The following TTC39B variants were observed in gnomAD, a reference collection of about 807,000 sequenced individuals.
TTC39B encodes the protein tetratricopeptide repeat domain 39B, also known as tetratricopeptide repeat protein 39B.
Under a neutral mutation model 96.6 loss-of-function variants are expected in TTC39B, and 92 were observed. The observed-to-expected ratio is 0.95, with a 90% CI of 0.80 to 1.13. TTC39B has a LOEUF of 1.13. Among genes scored for constraint, TTC39B ranks in the 50% most tolerant of loss-of-function variants. The pLI is 0.00. For synonymous variants in TTC39B, 367 were observed against 299.4 expected (o/e 1.23, Z -2.33); for missense variants, 955 against 809.3 (o/e 1.18, Z -2.18).
chr9:15,229,992 G>A (rs1369718946), intron 2 of TTC39B, among the ~76,000 whole-genome samples: 1 of 152,098 alleles, frequency 6.6e-6, no homozygotes, highest in Non-Finnish European at 1.5e-5. Context: ...TTATAACATT[G>A]CATCTTCACA....
intron 2 of TTC39B, among the ~76,000 whole-genome samples, chr9:15,251,694 C>CATATATATATATATATAT (rs59081141): frequency 1.6e-5 from 1 of 61,808 alleles, no homozygotes; most frequent in Admixed American, 1.9e-4. Context: ...CACACACATA[C>CATATATATATATATATAT]ATATACATAT....
At chr9:15,164,816 G>A (rs1200350954) in exon 20 of TTC39B, 3 of 152,006 alleles carry the variant, frequency 2.0e-5, no homozygotes, top group Admixed American at 2.0e-4. Flanking sequence ...TGAGAATTAA[G>A]TAATTTTTCT....
intron 18 of TTC39B, 140 bp downstream of exon 18, chr9:15,177,557 A>C: frequency 1.7e-6 from 1 of 591,208 alleles, no homozygotes; most frequent in Non-Finnish European, 3.0e-6. Flanking sequence ...AACAACAACA[A>C]CACACTACTG....
intron 13 of TTC39B, among the ~76,000 whole-genome samples, chr9:15,189,291 T>C (rs538255318): frequency 9.8e-5 from 15 of 152,322 alleles, no homozygotes; most frequent in Admixed American, 9.8e-4. Flanking sequence ...TCACAGTTTC[T>C]TGAAAATCCC....
intron 6 of TTC39B, among the ~76,000 whole-genome samples, chr9:15,208,519 C>T (rs1444217300): frequency 6.6e-6 from 1 of 152,084 alleles, no homozygotes; most frequent in Non-Finnish European, 1.5e-5. Flanking sequence ...TCTTTTGGGC[C>T]TATTTGATTT....
At chr9:15,286,684 A>C (rs1823985947) in intron 1 of TTC39B, among the ~76,000 whole-genome samples, 1 of 152,234 alleles carries the variant, frequency 6.6e-6, no homozygotes, top group African/African-American at 2.4e-5. Context: ...CTCATTATTT[A>C]CAATGACGCT....
At chr9:15,303,028 C>T (rs1351549655) in intron 1 of TTC39B, among the ~76,000 whole-genome samples, 1 of 151,770 alleles carries the variant, frequency 6.6e-6, no homozygotes, top group Non-Finnish European at 1.5e-5. Context: ...ATTAGCTGGA[C>T]GTGGTGGCAC....
At chr9:15,190,880 T>G (rs1177167988) in intron 10 of TTC39B, among the ~76,000 whole-genome samples, 1 of 151,960 alleles carries the variant, frequency 6.6e-6, no homozygotes, top group Non-Finnish European at 1.5e-5. Context: ...CCCTCCCATC[T>G]TTGGTCAACT....
chr9:15,292,872 C>A (rs1824238869), intron 1 of TTC39B, among the ~76,000 whole-genome samples: 1 of 152,086 alleles, frequency 6.6e-6, no homozygotes, highest in Non-Finnish European at 1.5e-5. Context: ...TTTAAAAGTT[C>A]ATAAAGCAAA....
At chr9:15,218,932 TTG>T (rs1479029255) in intron 3 of TTC39B, among the ~76,000 whole-genome samples, 1 of 152,084 alleles carries the variant, frequency 6.6e-6, no homozygotes, top group Non-Finnish European at 1.5e-5. Context: ...TCTGGAGGTT[TTG>T]TCTCTTTCCT....
chr9:15,171,727 T>C (rs1276305943), exon 20 of TTC39B: 1 of 191,370 alleles, frequency 5.2e-6, no homozygotes, highest in Non-Finnish European at 1.1e-5. Flanking sequence ...CTAATTAGAC[T>C]ATTGCATCTG....
chr9:15,206,772 G>C (rs1163997472), intron 6 of TTC39B, among the ~76,000 whole-genome samples: 1 of 152,084 alleles, frequency 6.6e-6, no homozygotes, highest in Non-Finnish European at 1.5e-5. Flanking sequence ...TGTAGAGACA[G>C]GTTCTTGCTC....
chr9:15,304,095 T>C (rs1393539485), intron 1 of TTC39B, among the ~76,000 whole-genome samples: 1 of 152,244 alleles, frequency 6.6e-6, no homozygotes, highest in Admixed American at 6.5e-5. Flanking sequence ...CTCAAATCCT[T>C]ATATTTGAGG....
intron 10 of TTC39B, 130 bp from the exon 11 acceptor site, chr9:15,190,792 T>C (rs1818815134): frequency 2.6e-6 from 2 of 769,212 alleles, no homozygotes; most frequent in South Asian, 3.5e-5. Context: ...TGGTGAAGTC[T>C]GGGCTTTTAG....
At chr9:15,179,605 G>C (rs530787896) in intron 17 of TTC39B, among the ~76,000 whole-genome samples, 1 of 152,294 alleles carries the variant, frequency 6.6e-6, no homozygotes, top group Admixed American at 6.5e-5. Flanking sequence ...AATCACGGAT[G>C]TTAAAACAGA....
exon 20 of TTC39B, chr9:15,167,110 C>T (rs1352097696): frequency 1.6e-5 from 2 of 121,922 alleles, no homozygotes; most frequent in African/African-American, 6.3e-5. Flanking sequence ...GATCTTAGCT[C>T]ACTGTAGCCT....
chr9:15,167,956 T>A (rs1588824098), exon 20 of TTC39B: 2 of 152,182 alleles, frequency 1.3e-5, no homozygotes, highest in East Asian at 3.8e-4. Context: ...CCAATGACAC[T>A]GACCATCTGC....
chr9:15,276,383 G>A (rs900156207), intron 1 of TTC39B, among the ~76,000 whole-genome samples: 1 of 152,094 alleles, frequency 6.6e-6, no homozygotes. Context: ...CTGTAAATTA[G>A]AGATGCCCAT....
At chr9:15,230,728 T>A (rs1821373584) in intron 2 of TTC39B, among the ~76,000 whole-genome samples, 1 of 152,204 alleles carries the variant, frequency 6.6e-6, no homozygotes, top group Non-Finnish European at 1.5e-5. Flanking sequence ...ACTCCTGTAA[T>A]CCCAGCAGGA....
Sources: gnomAD v4.1 joint callset for allele counts (sites outside exome capture counted in the v4.1 genomes callset) on GRCh38, gnomAD v4.1.1 for gene constraint, MANE v1.5 for transcripts, NCBI Gene and HGNC (gene_info 2026-07-23, HGNC 2026-07-21) for gene names.